GRID2: variants seen among roughly 807,000 people sequenced by gnomAD.
GRID2 encodes the protein glutamate ionotropic receptor delta type subunit 2.
In GRID2, 33 loss-of-function variants were observed where a neutral mutation model predicts 114.8. The observed-to-expected ratio is 0.29, with a 90% CI of 0.22 to 0.38. GRID2 has a LOEUF of 0.38. Among genes scored for constraint, GRID2 ranks in the 10% least tolerant of loss-of-function variants. The pLI is 1.00. For missense variants in GRID2, 1,184 were observed against 1,257.7 expected (o/e 0.94, Z 0.89); for synonymous variants, 505 against 449.9 (o/e 1.12, Z -1.55).
chr4:93,350,535 G>A (rs1410378569), intron 8 of GRID2, among the ~76,000 whole-genome samples: 1 of 151,982 alleles, frequency 6.6e-6, no homozygotes, highest in Admixed American at 6.6e-5. Flanking sequence ...AGGGGAATCA[G>A]CAAAAAGCTT....
chr4:92,539,509 T>A (rs1305933316), intron 1 of GRID2, among the ~76,000 whole-genome samples: 2 of 152,164 alleles, frequency 1.3e-5, no homozygotes, highest in Admixed American at 6.5e-5. Flanking sequence ...TACTTTTGGC[T>A]GTTTTTTTGG....
chr4:93,360,933 T>C (rs1260428845), intron 8 of GRID2, among the ~76,000 whole-genome samples: 2 of 152,062 alleles, frequency 1.3e-5, no homozygotes, highest in Non-Finnish European at 2.9e-5. Flanking sequence ...TTTCACATTG[T>C]ATATTTGTGC....
At chr4:92,687,775 G>A in intron 2 of GRID2, among the ~76,000 whole-genome samples, 1 of 151,916 alleles carries the variant, frequency 6.6e-6, no homozygotes, top group East Asian at 2.0e-4. Flanking sequence ...CTTGCAGTGA[G>A]CCAAGATTGC....
intron 14 of GRID2, among the ~76,000 whole-genome samples, chr4:93,686,572 T>TA (rs752330064): frequency 2.0e-5 from 3 of 151,908 alleles, no homozygotes; most frequent in Non-Finnish European, 4.4e-5. Context: ...GCAAGTCCCA[T>TA]AAAAAAATAC....
chr4:92,361,645 A>T (rs897356259), intron 1 of GRID2, among the ~76,000 whole-genome samples: 3 of 151,726 alleles, frequency 2.0e-5, no homozygotes. Flanking sequence ...GTGATGGGGG[A>T]AGGTTGGAAA....
At chr4:93,139,336 A>G (rs1388185764) in intron 4 of GRID2, among the ~76,000 whole-genome samples, 1 of 152,168 alleles carries the variant, frequency 6.6e-6, no homozygotes, top group Non-Finnish European at 1.5e-5. Context: ...GCAGAGGGCC[A>G]GGGGAATCAA....
chr4:93,294,207 C>T (rs978537971), intron 8 of GRID2, among the ~76,000 whole-genome samples: 1 of 151,656 alleles, frequency 6.6e-6, no homozygotes, highest in Non-Finnish European at 1.5e-5. Flanking sequence ...GTTTGCTCCA[C>T]AAAAAAACGA....
chr4:93,699,514 T>A (rs946041975), intron 14 of GRID2, among the ~76,000 whole-genome samples: 4 of 152,084 alleles, frequency 2.6e-5, no homozygotes, highest in African/African-American at 9.7e-5. Flanking sequence ...GATATTAATA[T>A]CTATATTTTG....
intron 4 of GRID2, among the ~76,000 whole-genome samples, chr4:93,203,030 G>T (rs1299076701): frequency 6.6e-6 from 1 of 151,976 alleles, no homozygotes; most frequent in Non-Finnish European, 1.5e-5. Context: ...AGAACTCAAA[G>T]CTTACTGGAT....
At chr4:93,290,624 A>G (rs1753634189) in intron 8 of GRID2, among the ~76,000 whole-genome samples, 1 of 152,246 alleles carries the variant, frequency 6.6e-6, no homozygotes, top group South Asian at 2.1e-4. Flanking sequence ...AAAAAGTTAC[A>G]TAAATGAGAT....
At chr4:92,643,083 C>G (rs146309776) in intron 2 of GRID2, among the ~76,000 whole-genome samples, 27 of 151,572 alleles carry the variant, frequency 1.8e-4, no homozygotes, top group African/African-American at 6.5e-4. Flanking sequence ...TATTTGTGCT[C>G]TTTTTTGGTT....
chr4:93,555,612 G>T (rs1734238143), intron 13 of GRID2, among the ~76,000 whole-genome samples: 2 of 152,200 alleles, frequency 1.3e-5, no homozygotes, highest in Non-Finnish European at 2.9e-5. Flanking sequence ...CCAGTCAGGG[G>T]CTTATAGATA....
chr4:92,537,787 GTGTGTGTGT>G (rs1725724727), intron 1 of GRID2, among the ~76,000 whole-genome samples: 17 of 102,510 alleles, frequency 1.7e-4, no homozygotes, highest in South Asian at 2.8e-4. Context: ...AACTTGCGGT[GTGTGTGTGT>G]GTGTGTGTGT....
chr4:93,034,406 T>C (rs1724723254), intron 2 of GRID2, among the ~76,000 whole-genome samples: 1 of 152,080 alleles, frequency 6.6e-6, no homozygotes, highest in Admixed American at 6.6e-5. Context: ...ACCTGAGGGA[T>C]TAAAAACTTG....
chr4:93,589,008 G>A (rs13116181), intron 13 of GRID2, among the ~76,000 whole-genome samples: 30,213 of 150,522 alleles, frequency 0.2, 3,344 homozygotes, highest in Middle Eastern at 0.34. Flanking sequence ...ATTCAACAAC[G>A]TTCATGATTC....
chr4:92,342,460 T>TA (rs1404880692), intron 1 of GRID2, among the ~76,000 whole-genome samples: 1 of 152,150 alleles, frequency 6.6e-6, no homozygotes, highest in African/African-American at 2.4e-5. Context: ...GCCATATAAT[T>TA]AGAGAAGTCA....
At chr4:92,566,254 A>T (rs561139601) in intron 1 of GRID2, among the ~76,000 whole-genome samples, 96 of 152,136 alleles carry the variant, frequency 6.3e-4, no homozygotes, top group African/African-American at 2.2e-3. Flanking sequence ...AAAGCTAAAA[A>T]ATATTATTCA....
intron 1 of GRID2, among the ~76,000 whole-genome samples, chr4:92,478,387 A>G (rs1722418399): frequency 1.3e-5 from 2 of 152,120 alleles, no homozygotes. Context: ...ATAAAATTGC[A>G]TTTTAGTAGC....
chr4:93,123,485 T>C (rs767674289), intron 4 of GRID2, among the ~76,000 whole-genome samples: 1 of 152,198 alleles, frequency 6.6e-6, no homozygotes, highest in Non-Finnish European at 1.5e-5. Context: ...TTTAAAGCTA[T>C]TCTATGCAAG....
Sources: gnomAD v4.1 joint callset for allele counts (sites outside exome capture counted in the v4.1 genomes callset) on GRCh38, gnomAD v4.1.1 for gene constraint, MANE v1.5 for transcripts, NCBI Gene and HGNC (gene_info 2026-07-23, HGNC 2026-07-21) for gene names.